Variants in ATRNL1 observed in about 807,000 individuals in gnomAD.
ATRNL1 encodes the protein attractin like 1.
A neutral mutation model predicts 182.7 loss-of-function variants in ATRNL1; 95 were observed. The ratio of observed to expected loss-of-function variants is 0.52; its 90% CI spans 0.44 to 0.62. ATRNL1 has a LOEUF of 0.62. ATRNL1 is among the 20% of genes least tolerant of loss of function. The pLI, the probability that ATRNL1 is intolerant of heterozygous loss-of-function variation, is 0.00. For missense variants in ATRNL1, 1,471 were observed against 1,679.5 expected, an observed-to-expected ratio of 0.88 and a Z score of 2.17; for synonymous variants, 576 against 568.3, an observed-to-expected ratio of 1.01 and a Z score of -0.19.
intron 28 of ATRNL1, among the ~76,000 whole-genome samples, chr10:115,935,970 T>C (rs945501224): frequency 1.3e-5 from 2 of 152,336 alleles, no homozygotes; most frequent in South Asian, 4.1e-4. Flanking sequence ...AATTCTGCTT[T>C]GAGGACTGCA....
intron 20 of ATRNL1, among the ~76,000 whole-genome samples, chr10:115,416,838 A>G (rs1390943759): frequency 6.6e-6 from 1 of 152,224 alleles, no homozygotes; most frequent in Non-Finnish European, 1.5e-5. Flanking sequence ...TAGAGAAATG[A>G]GTTTGTATCC....
At chr10:115,391,982 CA>C (rs1844051690) in intron 19 of ATRNL1, among the ~76,000 whole-genome samples, 1 of 151,972 alleles carries the variant, frequency 6.6e-6, no homozygotes, top group Non-Finnish European at 1.5e-5. Context: ...TTTTTAAAAA[CA>C]GGAATTGATA....
chr10:115,103,825 A>G (rs1359702762), intron 1 of ATRNL1, among the ~76,000 whole-genome samples: 1 of 152,210 alleles, frequency 6.6e-6, no homozygotes, highest in Non-Finnish European at 1.5e-5. Context: ...TATTTCATGT[A>G]ATGTAATGAC....
At chr10:115,709,254 G>A (rs542536488) in intron 26 of ATRNL1, among the ~76,000 whole-genome samples, 4 of 151,874 alleles carry the variant, frequency 2.6e-5, no homozygotes, top group South Asian at 4.1e-4. Context: ...AAGAAAGCCC[G>A]AAACACTCAC....
intron 20 of ATRNL1, among the ~76,000 whole-genome samples, chr10:115,414,508 T>C (rs1006709610): frequency 5.3e-4 from 81 of 152,094 alleles, no homozygotes; most frequent in African/African-American, 1.9e-3. Flanking sequence ...TCCTTTCCCA[T>C]TCTTATTGTA....
At chr10:115,392,705 G>A (rs186772267) in intron 19 of ATRNL1, among the ~76,000 whole-genome samples, 19 of 152,152 alleles carry the variant, frequency 1.2e-4, no homozygotes, top group African/African-American at 4.3e-4. Context: ...TGTCTTTGGG[G>A]GCTCTTCTGA....
At chr10:115,536,260 C>T (rs1385752976) in intron 25 of ATRNL1, among the ~76,000 whole-genome samples, 1 of 152,178 alleles carries the variant, frequency 6.6e-6, no homozygotes, top group South Asian at 2.1e-4. Flanking sequence ...GTGGTGGGCT[C>T]CACCCAGTTC....
At chr10:115,818,118 T>C (rs1329233441) in intron 27 of ATRNL1, among the ~76,000 whole-genome samples, 1 of 151,992 alleles carries the variant, frequency 6.6e-6, no homozygotes, top group Non-Finnish European at 1.5e-5. Context: ...TTTCCAGGGC[T>C]TCTAAGTGCT....
At chr10:115,756,321 C>A (rs1948590214) in intron 27 of ATRNL1, among the ~76,000 whole-genome samples, 1 of 152,092 alleles carries the variant, frequency 6.6e-6, no homozygotes, top group Non-Finnish European at 1.5e-5. Flanking sequence ...ATTTCCCTCT[C>A]CACACTGCTT....
At chr10:115,470,004 G>A (rs1172307199) in intron 24 of ATRNL1, among the ~76,000 whole-genome samples, 1 of 150,382 alleles carries the variant, frequency 6.6e-6, no homozygotes, top group African/African-American at 2.4e-5. Flanking sequence ...TGATTAGATT[G>A]AATTTACATT....
chr10:115,737,134 A>T (rs1257767055), intron 27 of ATRNL1, among the ~76,000 whole-genome samples: 1 of 151,956 alleles, frequency 6.6e-6, no homozygotes, highest in South Asian at 2.1e-4. Context: ...ATTAAAAGGT[A>T]TACTTCATTG....
intron 26 of ATRNL1, among the ~76,000 whole-genome samples, chr10:115,673,761 C>A (rs1260684131): frequency 6.6e-6 from 1 of 151,972 alleles, no homozygotes; most frequent in Non-Finnish European, 1.5e-5. Flanking sequence ...TAGTCTTATT[C>A]CCCTCTTTTT....
intron 28 of ATRNL1, among the ~76,000 whole-genome samples, chr10:115,941,717 A>G (rs1555124325): frequency 6.6e-6 from 1 of 152,250 alleles, no homozygotes; most frequent in East Asian, 1.9e-4. Flanking sequence ...AAATAATGAC[A>G]GAAGTATGCC....
At chr10:115,752,256 A>G (rs1056836703) in intron 27 of ATRNL1, among the ~76,000 whole-genome samples, 2 of 152,052 alleles carry the variant, frequency 1.3e-5, no homozygotes, top group African/African-American at 4.8e-5. Flanking sequence ...TGCAAGGAAG[A>G]TGATGAAACA....
intron 15 of ATRNL1, among the ~76,000 whole-genome samples, chr10:115,296,347 T>A (rs1554922586): frequency 6.6e-6 from 1 of 152,168 alleles, no homozygotes; most frequent in East Asian, 1.9e-4. Flanking sequence ...GCATAGCTCT[T>A]TATTCATTGT....
At chr10:115,504,695 C>T (rs1850018038) in intron 24 of ATRNL1, among the ~76,000 whole-genome samples, 1 of 151,916 alleles carries the variant, frequency 6.6e-6, no homozygotes, top group Non-Finnish European at 1.5e-5. Context: ...TTAAAGCTGG[C>T]TTATTTATTA....
chr10:115,791,915 T>A (rs1430955619), intron 27 of ATRNL1, among the ~76,000 whole-genome samples: 1 of 152,126 alleles, frequency 6.6e-6, no homozygotes, highest in East Asian at 1.9e-4. Context: ...AGTTATAGAG[T>A]TTCTGCTATT....
chr10:115,874,793 G>A (rs1951664106), intron 28 of ATRNL1, among the ~76,000 whole-genome samples: 2 of 152,202 alleles, frequency 1.3e-5, no homozygotes. Flanking sequence ...TTCTTTGGAA[G>A]TGGGAGGTTG....
chr10:115,411,445 A>G (rs1845136558), intron 20 of ATRNL1, among the ~76,000 whole-genome samples: 1 of 151,938 alleles, frequency 6.6e-6, no homozygotes, highest in Admixed American at 6.6e-5. Flanking sequence ...TACTTCTTCA[A>G]AGTCTGTAAT....
Sources: allele counts gnomAD v4.1 joint callset (sites outside exome capture counted in the v4.1 genomes callset), GRCh38; gene constraint gnomAD v4.1.1; transcripts MANE v1.5; gene names NCBI Gene and HGNC (gene_info 2026-07-23, HGNC 2026-07-21).